Variants in NAGA observed in about 807,000 individuals in gnomAD.
NAGA encodes alpha-N-acetylgalactosaminidase.
NAGA carries 42 observed loss-of-function variants against 45.6 expected under a neutral mutation model. The observed-to-expected ratio is 0.92, with a 90% CI of 0.72 to 1.19. The LOEUF (loss-of-function observed/expected upper bound fraction) is 1.19, where lower values mean the gene tolerates loss of function less well. Among genes scored for constraint, NAGA ranks in the 50% most tolerant of loss-of-function variants. The pLI, the probability that NAGA is intolerant of heterozygous loss-of-function variation, is 0.00. For synonymous variants in NAGA, 176 were observed against 203.1 expected (o/e 0.87, Z 1.13); for missense variants, 493 against 544.8 (o/e 0.90, Z 0.95).
chr22:42,065,797 C>G lies in NAGA; in HGVS notation c.700G>C (p.Glu234Gln). The change falls in exon 6 of 9, where the codon GAG (glutamate) becomes CAG (glutamine). Residue 234 changes from glutamate to glutamine, a missense_variant. Coordinates refer to ENST00000396398, the MANE Select transcript of NAGA (RefSeq NM_000262.3). ...SVLSILNWFV[E>Q]HQDILQPVAG... ...ACTGGCTGCAGTATGTCCTGGTGCTCCACGAACCAATTCAGGATGGAGAGC... is the reference window on the plus strand; with the variant it reads ...ACTGGCTGCAGTATGTCCTGGTGCTGCACGAACCAATTCAGGATGGAGAGC... 1 of 1,614,136 alleles carries G rather than the reference C, an allele frequency of 6.2e-7. No homozygotes were observed. The highest frequency in any genetic ancestry group is 8.5e-7 in the Non-Finnish European group (1 of 1,180,032).
rs1296446342 is a variant in NAGA at position 42,070,290 on chromosome 22, A to G, written c.8T>C (p.Leu3Pro). ...CCAGCCGGTGTAGGTACCTGTCTTCAGCAGCATCGCTCTGGACTCAGCTTC... is the reference window on the plus strand; with the variant it reads ...CCAGCCGGTGTAGGTACCTGTCTTCGGCAGCATCGCTCTGGACTCAGCTTC... ML[L>P]KTVLLLGHVA... The change falls in exon 1 of 9, where the codon CTG becomes CCG. Residue 3 changes from leucine to proline, a missense_variant. By Grantham distance (98) the Leu-to-Pro change is moderately conservative. Coordinates refer to ENST00000396398, the MANE Select transcript of NAGA (RefSeq NM_000262.3). The G allele has an allele frequency of 6.2e-7, 1 of 1,614,128 alleles. No individual in the cohort carries two copies. Among genetic ancestry groups the G allele is most frequent in the Non-Finnish European group, 8.5e-7 (1 of 1,180,060 alleles).
chr22:42,061,410 G>A (rs1381043918), intron 7 of NAGA, among the ~76,000 whole-genome samples: 3 of 152,230 alleles, frequency 2.0e-5, no homozygotes, highest in East Asian at 3.8e-4. Context: ...ATGAGTGCTG[G>A]CCCCAAACAG....
chr22:42,059,392 G>A lies in NAGA; in HGVS notation c.*887C>T, dbSNP rs1404072223. On this transcript the variant is annotated 3_prime_UTR_variant, in exon 9 of 9. Transcript: ENST00000396398. ...CTGGGGAATATGAACCTCCTTTGCA[G>A]CCAGGTTGGGAGAGAAATAAAGGAA... 2 of 152,508 alleles carry A rather than the reference G, an allele frequency of 1.3e-5. No individual in the cohort carries two copies. Among genetic ancestry groups the A allele is most frequent in the African/African-American group, 4.8e-5 (2 of 41,484 alleles). 9.4% of individuals were successfully genotyped at this position (152,508 alleles called of 1,614,324 possible).
At chr22:42,066,589 T>C (rs1926743419) in intron 5 of NAGA, 121 bp downstream of exon 5, 2 of 909,566 alleles carry the variant, frequency 2.2e-6, no homozygotes, top group African/African-American at 3.3e-5. Context: ...AATCACCATA[T>C]GGGCACCTGT....
intron 6 of NAGA, among the ~76,000 whole-genome samples, chr22:42,064,784 T>C (rs1486004404): frequency 6.6e-6 from 1 of 152,130 alleles, no homozygotes; most frequent in Non-Finnish European, 1.5e-5. Context: ...GTCAAGTCAA[T>C]AAATGTCCCA....
chr22:42,066,608 C>A, intron 5 of NAGA, 102 bp downstream of exon 5: 1 of 1,110,096 alleles, frequency 9.0e-7, no homozygotes, highest in African/African-American at 1.6e-5. Context: ...GTGGTGAGAG[C>A]AGCCCTGGCT....
Position 42,062,935 on chromosome 22 carries a change from G to A in NAGA, c.849C>T (p.Ser283=), listed in dbSNP as rs746074383. 27 of 1,614,040 alleles carry A rather than the reference G, an allele frequency of 1.7e-5. 1 individual carries two copies. The East Asian group carries it at 5.6e-4, about 33-fold the overall frequency. The change falls in exon 7 of 9, where the codon TCC becomes TCT. Residue 283 remains serine, a synonymous_variant. Coordinates refer to ENST00000396398, the MANE Select transcript of NAGA (RefSeq NM_000262.3). ...GGGCGGAGATGGTACGCAGGTCTGT[G>A]GACATCAAGAGGGGGGCTGCCAGCA... is the stretch of plus-strand genomic sequence containing the variant. ...WTVLAAPLLM[S]TDLRTISAQN... is the part of the protein sequence containing the mutation.
chr22:42,068,939 G>A (rs184582600), intron 1 of NAGA, among the ~76,000 whole-genome samples: 26 of 151,904 alleles, frequency 1.7e-4, no homozygotes, highest in Non-Finnish European at 3.1e-4. Context: ...ACGGAACTAC[G>A]TTCTCATAAG....
Position 42,062,834 on chromosome 22 carries a change from A to G in NAGA, c.950T>C (p.Ile317Thr). ...QDPLGIQGRRIHKEKSLIEVY... is the reference protein window; with the variant it reads ...QDPLGIQGRRTHKEKSLIEVY... ...CCCTCCACACCCTAGTACCTTGTGA[A>G]TCCTGCGTCCCTGGATGCCTAAGGG... is the stretch of plus-strand genomic sequence containing the variant. The change falls in exon 7 of 9, where the codon ATT becomes ACT. Residue 317 changes from isoleucine (I) to threonine (T), a missense_variant. Physicochemically the swap from Ile to Thr is moderately conservative, Grantham distance 89. Transcript: ENST00000396398. The G allele has an allele frequency of 6.2e-7, 1 of 1,614,020 alleles. No individual in the cohort carries two copies. The highest frequency in any genetic ancestry group is 1.1e-5 in the South Asian group (1 of 91,070).
intron 6 of NAGA, among the ~76,000 whole-genome samples, chr22:42,063,804 G>A (rs924937722): frequency 4.6e-5 from 7 of 152,206 alleles, no homozygotes; most frequent in Non-Finnish European, 7.3e-5. Flanking sequence ...TTTTATCTGC[G>A]GCTGGTCCTG....
In NAGA at chr22:42,060,046, T is replaced by G; in HGVS notation, c.*233A>C. Reference sequence around the variant, plus strand: ...AGCAACGTCTGTGGGGCTGCGCACATGGAAGTAGAGGCCAGGAAGGCCACA... The same window carrying G: ...AGCAACGTCTGTGGGGCTGCGCACAGGGAAGTAGAGGCCAGGAAGGCCACA... On this transcript the variant is annotated 3_prime_UTR_variant, in exon 9 of 9. Transcript: ENST00000396398. The G allele has an allele frequency of 9.2e-6, 5 of 544,850 alleles. No homozygotes were observed. Among genetic ancestry groups the G allele is most frequent in the Non-Finnish European group, 1.3e-5 (4 of 300,914 alleles). The allele number at this position is 544,850 out of a possible 1,614,324, so 33.8% of individuals were successfully genotyped here.
In NAGA at chr22:42,066,732, T is replaced by C. The variant is rs750894817; in HGVS notation, c.575A>G (p.Tyr192Cys). ...PIAFSCSWPAYEGGLPPRVNY... is the reference protein window; with the variant it reads ...PIAFSCSWPACEGGLPPRVNY... Reference sequence around the variant, plus strand: ...TACCCTTGGGGGGAGGCCGCCTTCATAGGCTGGCCAGCTGCAGGAGAAGGC... The same window carrying C: ...TACCCTTGGGGGGAGGCCGCCTTCACAGGCTGGCCAGCTGCAGGAGAAGGC... Residue 192 changes from tyrosine (Y) to cysteine (C), a missense_variant, in exon 5 of 9, where the codon TAT (tyrosine) becomes TGT (cysteine). Transcript: ENST00000396398. 12 of 1,604,130 alleles carry C rather than the reference T, an allele frequency of 7.5e-6. No individual in the cohort carries two copies. The highest frequency in any genetic ancestry group is 3.4e-5 in the South Asian group (3 of 89,280).
At chr22:42,061,133 G>A in intron 7 of NAGA, 66 bp from the exon 8 acceptor site, 1 of 1,579,706 alleles carries the variant, frequency 6.3e-7, no homozygotes, top group Non-Finnish European at 8.6e-7. Flanking sequence ...TTGCCTCCCT[G>A]GCCCTCCCTG....
chr22:42,060,158 A>T lies in NAGA; in HGVS notation c.*121T>A, dbSNP rs1569456795. ...GCCGTGAGATTGCACTTTGGGTATG[A>T]TGGGGTCAGTCACCGAGCAGGCCTG... On this transcript the variant is annotated 3_prime_UTR_variant, in exon 9 of 9. Coordinates refer to ENST00000396398, the MANE Select transcript of NAGA (RefSeq NM_000262.3). 7.5e-7 allele frequency: 1 copy of T among 1,325,566 alleles called. No homozygotes were observed. The highest frequency in any genetic ancestry group is 1.1e-6 in the Non-Finnish European group (1 of 933,234). 82.1% of individuals were successfully genotyped at this position (1,325,566 alleles called of 1,614,324 possible).
chr22:42,060,547 G>C, intron 8 of NAGA, 134 bp from the exon 9 acceptor site: 1 of 1,280,702 alleles, frequency 7.8e-7, no homozygotes, highest in South Asian at 1.2e-5. Flanking sequence ...CCCTACAGAA[G>C]TGGGAGCCCT....
intron 6 of NAGA, among the ~76,000 whole-genome samples, chr22:42,063,670 A>C (rs1034758549): frequency 3.7e-4 from 56 of 152,212 alleles, no homozygotes; most frequent in Admixed American, 3.7e-3. Context: ...GACCCCTTAA[A>C]GTTGTAAGCC....
Position 42,060,466 on chromosome 22 carries a change from A to ACCC in NAGA, c.1102-56_1102-54dup, listed in dbSNP as rs138095593. 3.1e-6 allele frequency: 5 copies of ACCC among 1,599,372 alleles called. No individual in the cohort carries two copies. The African/African-American group carries it at 6.8e-5, about 22-fold the overall frequency. On this transcript the variant is annotated intron_variant, in intron 8 of 8. Coordinates refer to ENST00000396398, the MANE Select transcript of NAGA (RefSeq NM_000262.3). Reference sequence around the variant, plus strand: ...CCACCATGAGAGTGGCGGCACAGAGACCCCCCCCGCTAGAGGATGTAGAAG... The same window carrying ACCC: ...CCACCATGAGAGTGGCGGCACAGAGACCCCCCCCCCCGCTAGAGGATGTAGAAG...
At chr22:42,067,990 C>T (rs887080359) in intron 2 of NAGA, 54 bp from the exon 3 acceptor site, 1 of 1,520,602 alleles carries the variant, frequency 6.6e-7, no homozygotes, top group Non-Finnish European at 9.1e-7. Context: ...GGCCCTCACC[C>T]ACACCCTGCC....
At chr22:42,064,200 C>A (rs1481011015) in intron 6 of NAGA, among the ~76,000 whole-genome samples, 1 of 151,666 alleles carries the variant, frequency 6.6e-6, no homozygotes, top group Non-Finnish European at 1.5e-5. Context: ...ATTAGCCAGG[C>A]GTGGTGGCGC....
Sources: allele counts gnomAD v4.1 joint callset (sites outside exome capture counted in the v4.1 genomes callset), GRCh38; gene constraint gnomAD v4.1.1; transcripts MANE v1.5; gene names NCBI Gene and HGNC (gene_info 2026-07-23, HGNC 2026-07-21).